Variants in PRKN observed in about 807,000 individuals in gnomAD.
PRKN encodes the protein E3 ubiquitin-protein ligase parkin.
PRKN carries 56 observed loss-of-function variants against 59.5 expected under a neutral mutation model. The ratio of observed to expected loss-of-function variants is 0.94; its 90% CI spans 0.76 to 1.18. The LOEUF (loss-of-function observed/expected upper bound fraction) is 1.18, where lower values mean the gene tolerates loss of function less well. Ranked by LOEUF, PRKN falls within the 50% of genes most tolerant of loss-of-function variation. The pLI, the probability that PRKN is intolerant of heterozygous loss-of-function variation, is 0.00. For missense variants in PRKN, 657 were observed against 596.4 expected (o/e 1.10, Z -1.06); for synonymous variants, 250 against 222.1 (o/e 1.13, Z -1.12).
intron 7 of PRKN, among the ~76,000 whole-genome samples, chr6:161,621,973 G>A (rs9365309): frequency 0.17 from 25,608 of 152,062 alleles, 2,663 homozygotes; most frequent in East Asian, 0.47. Context: ...GCCACCCTCT[G>A]TTTTTCTCCC....
chr6:161,622,352 G>A (rs917790148), intron 7 of PRKN, among the ~76,000 whole-genome samples: 12 of 152,116 alleles, frequency 7.9e-5, no homozygotes, highest in Non-Finnish European at 7.4e-5. Flanking sequence ...GGTAGGCTCC[G>A]TTTGCTCAGT....
chr6:162,198,451 T>C (rs1342191393), intron 4 of PRKN, among the ~76,000 whole-genome samples: 1 of 151,460 alleles, frequency 6.6e-6, no homozygotes, highest in Non-Finnish European at 1.5e-5. Flanking sequence ...ATTTCATACA[T>C]GAGTATATAT....
At chr6:161,664,543 A>T (rs901647881) in intron 7 of PRKN, among the ~76,000 whole-genome samples, 12 of 150,114 alleles carry the variant, frequency 8.0e-5, no homozygotes, top group African/African-American at 2.9e-4. Flanking sequence ...ATGGGAAAAA[A>T]TCCTAGGGTA....
chr6:161,633,040 C>G (rs889977497), intron 7 of PRKN, among the ~76,000 whole-genome samples: 1 of 152,280 alleles, frequency 6.6e-6, no homozygotes, highest in Non-Finnish European at 1.5e-5. Context: ...AATTAAATTT[C>G]TATTCCAGGC....
chr6:162,302,218 T>A (rs1781992752), intron 2 of PRKN, among the ~76,000 whole-genome samples: 1 of 152,056 alleles, frequency 6.6e-6, no homozygotes, highest in African/African-American at 2.4e-5. Context: ...AGCACGATAA[T>A]CATCTACCAC....
At chr6:162,146,692 A>G in intron 4 of PRKN, among the ~76,000 whole-genome samples, 1 of 151,940 alleles carries the variant, frequency 6.6e-6, no homozygotes. Flanking sequence ...TTTAGTAGAT[A>G]CGAGGTTTCA....
chr6:162,438,862 T>C (rs1789908732), intron 2 of PRKN, among the ~76,000 whole-genome samples: 1 of 152,228 alleles, frequency 6.6e-6, no homozygotes, highest in Non-Finnish European at 1.5e-5. Flanking sequence ...CCAACACTTA[T>C]TTCTTTGAGC....
chr6:161,554,838 G>A lies in PRKN; in HGVS notation c.934-5835C>T, dbSNP rs1780175085. ...TGTTCTTCTGGTATAAAATATTATG[G>A]ATAAGCCTGAAAATAATGTTTTTTT... On this transcript the variant is annotated intron_variant, in intron 8 of 11. Coordinates refer to ENST00000366898, the MANE Select transcript of PRKN (RefSeq NM_004562.3). The surrounding 1 kb of genome is among the most constrained non-coding windows in gnomAD (Gnocchi z 4.5). 2.0e-5 allele frequency among the ~76,000 whole-genome samples: 3 copies of A among 150,488 alleles called. No individual in the cohort carries two copies. Among genetic ancestry groups the A allele is most frequent in the African/African-American group, 7.3e-5 (3 of 40,850 alleles).
Position 161,721,771 on chromosome 6 carries a change from A to C in PRKN, c.871+64001T>G, listed in dbSNP as rs527618045. On this transcript the variant is annotated intron_variant, in intron 7 of 11. Transcript: ENST00000366898. The stretch of plus-strand genomic sequence containing the variant: ...CTCCCTGGGTCATGGTGTCACCCCT[A>C]CTCGGTGAACAGAAAAAAGTTCAAA... Among the ~76,000 whole-genome samples the C allele has an allele frequency of 1.4e-3, 214 of 152,102 alleles. 2 individuals are homozygous for C. The highest frequency in any genetic ancestry group is 5.1e-3 in the African/African-American group (211 of 41,496).
intron 4 of PRKN, among the ~76,000 whole-genome samples, chr6:162,175,454 C>A (rs1164885523): frequency 6.6e-6 from 1 of 152,128 alleles, no homozygotes; most frequent in African/African-American, 2.4e-5. Flanking sequence ...GTATGCAACC[C>A]TTTTGTAATT....
intron 3 of PRKN, among the ~76,000 whole-genome samples, chr6:162,217,703 A>T (rs889735142): frequency 6.6e-6 from 1 of 152,128 alleles, no homozygotes; most frequent in Non-Finnish European, 1.5e-5. Flanking sequence ...TAAATTTTTA[A>T]AAGAGTATTA....
At chr6:162,310,881 C>A (rs1438360174) in intron 2 of PRKN, among the ~76,000 whole-genome samples, 1 of 151,878 alleles carries the variant, frequency 6.6e-6, no homozygotes, top group Non-Finnish European at 1.5e-5. Flanking sequence ...AAATTTGAAA[C>A]AACCACAGCA....
chr6:161,592,594 G>C lies in PRKN; in HGVS notation c.872-23178C>G, dbSNP rs548823711. Reference sequence around the variant, plus strand: ...TGCTCAGGGGATTTACACTCCACTAGATGATACTTAAGTACACAAACTAAA... The same window carrying C: ...TGCTCAGGGGATTTACACTCCACTACATGATACTTAAGTACACAAACTAAA... On this transcript the variant is annotated intron_variant, in intron 7 of 11. Coordinates refer to ENST00000366898, the MANE Select transcript of PRKN (RefSeq NM_004562.3). The surrounding 1 kb of genome is among the most constrained non-coding windows in gnomAD (Gnocchi z 4.8). Among the ~76,000 whole-genome samples, 4 of 152,222 alleles carry C rather than the reference G, an allele frequency of 2.6e-5. No homozygotes were observed. The highest frequency in any genetic ancestry group is 2.6e-4 in the Admixed American group (4 of 15,282).
At chr6:161,931,432 A>C (rs1779167838) in intron 6 of PRKN, among the ~76,000 whole-genome samples, 1 of 152,128 alleles carries the variant, frequency 6.6e-6, no homozygotes, top group Non-Finnish European at 1.5e-5. Context: ...TAGACATGGC[A>C]CCCAGCACCC....
At chr6:162,478,907 A>C (rs1215121593) in intron 1 of PRKN, among the ~76,000 whole-genome samples, 1 of 152,182 alleles carries the variant, frequency 6.6e-6, no homozygotes, top group Non-Finnish European at 1.5e-5. Flanking sequence ...GCAGAACTGG[A>C]AGTTGCTCTG....
rs1460795402 is a variant in PRKN, at chr6:161,467,665, G to A, written c.1084-80788C>T. On this transcript the variant is annotated intron_variant, in intron 9 of 11. Transcript: ENST00000366898. This position sits in a 1 kb window ranked among gnomAD's most constrained non-coding sequence, Gnocchi z 4.3. ...GAGGAGTCTCAAAGGATGTGCAGGA[G>A]CGACAGAGGCTGCAAATGCCTGCCC... 1.3e-5 allele frequency among the ~76,000 whole-genome samples: 2 copies of A among 152,198 alleles called. No homozygotes were observed. Among genetic ancestry groups the A allele is most frequent in the Non-Finnish European group, 2.9e-5 (2 of 68,042 alleles).
chr6:162,259,565 G>A (rs528850054), intron 3 of PRKN, among the ~76,000 whole-genome samples: 36 of 152,274 alleles, frequency 2.4e-4, no homozygotes, highest in African/African-American at 8.7e-4. Context: ...TTTTAGTGAA[G>A]AAAAATAATC....
intron 1 of PRKN, among the ~76,000 whole-genome samples, chr6:162,531,813 C>A (rs2128196856): frequency 6.6e-6 from 1 of 152,004 alleles, no homozygotes; most frequent in South Asian, 2.1e-4. Context: ...ATGTTACAAT[C>A]TTGATAAACT....
rs1387361009 is a variant in PRKN at position 161,530,869 on chromosome 6, A to G, written c.1083+17985T>C. Among the ~76,000 whole-genome samples, 1 of 152,160 alleles carries G rather than the reference A, an allele frequency of 6.6e-6. No homozygotes were observed. The highest frequency in any genetic ancestry group is 6.5e-5 in the Admixed American group (1 of 15,270). On this transcript the variant is annotated intron_variant, in intron 9 of 11. Transcript: ENST00000366898. This position sits in a 1 kb window ranked among gnomAD's most constrained non-coding sequence, Gnocchi z 5.0. Reference sequence around the variant, plus strand: ...AGGCTGTCATGCTGCTCTACTTCAGAGAACAGACCAATTTTTAGAGAGCTT... The same window carrying G: ...AGGCTGTCATGCTGCTCTACTTCAGGGAACAGACCAATTTTTAGAGAGCTT...
Sources: gnomAD v4.1 joint callset for allele counts (sites outside exome capture counted in the v4.1 genomes callset) on GRCh38, gnomAD v4.1.1 for gene constraint, Gnocchi (gnomAD v3.1) non-coding constraint, MANE v1.5 for transcripts, NCBI Gene and HGNC (gene_info 2026-07-23, HGNC 2026-07-21) for gene names.